The following EEF1AKMT2 variants were observed in gnomAD, a reference collection of about 807,000 sequenced individuals.
EEF1AKMT2 encodes eukaryotic translation elongation factor 1 alpha lysine methyltransferase 2.
In EEF1AKMT2, 32 loss-of-function variants were observed where a neutral mutation model predicts 35.8. The observed-to-expected ratio is 0.89, with a 90% CI of 0.67 to 1.20. The LOEUF is 1.20. Among genes scored for constraint, EEF1AKMT2 ranks in the 50% most tolerant of loss-of-function variants. The pLI is 0.00. For missense variants in EEF1AKMT2, 330 were observed against 347.5 expected (o/e 0.95, Z 0.40); for synonymous variants, 121 against 133.7 (o/e 0.91, Z 0.65).
intron 3 of EEF1AKMT2, among the ~76,000 whole-genome samples, chr10:124,785,860 C>T (rs1488198773): frequency 7.0e-6 from 1 of 142,124 alleles, no homozygotes; most frequent in East Asian, 2.1e-4. Context: ...CATGCCACTG[C>T]ACTCCAGCCT....
chr10:124,789,183 C>T, intron 2 of EEF1AKMT2, 26 bp from the exon 3 acceptor site: 4 of 1,507,206 alleles, frequency 2.7e-6, no homozygotes, highest in Non-Finnish European at 3.7e-6. Context: ...AGTCAAATAA[C>T]TGAGGGATAC....
At chr10:124,760,549 A>G (rs778387205) in intron 6 of EEF1AKMT2, 46 bp from the exon 7 acceptor site, 1 of 1,470,120 alleles carries the variant, frequency 6.8e-7, no homozygotes, top group Non-Finnish European at 9.5e-7. Context: ...TGAGTCTCAT[A>G]CTTACATGTA....
At chr10:124,791,498 G>A (rs1950634135) in intron 1 of EEF1AKMT2, among the ~76,000 whole-genome samples, 1 of 152,130 alleles carries the variant, frequency 6.6e-6, no homozygotes, top group Admixed American at 6.5e-5. Context: ...GCACCCACAA[G>A]CCCCTTGGGC....
chr10:124,773,283 C>T (rs1014958156), intron 4 of EEF1AKMT2, among the ~76,000 whole-genome samples: 1 of 152,138 alleles, frequency 6.6e-6, no homozygotes, highest in African/African-American at 2.4e-5. Flanking sequence ...CTGCAACCTC[C>T]ACCTTCCAGG....
chr10:124,790,232 A>T lies in EEF1AKMT2; in HGVS notation c.176+41T>A, dbSNP rs188070895. On this transcript the variant is annotated intron_variant, in intron 2 of 6. Coordinates refer to ENST00000368836, the MANE Select transcript of EEF1AKMT2 (RefSeq NM_212554.4). ...TTTTTAAACACACACACATATACAT[A>T]TAATCTTCTAGATTATAACTTGATT... is the stretch of plus-strand genomic sequence containing the variant. The T allele has an allele frequency of 2.8e-6, 4 of 1,443,630 alleles. No homozygotes were observed. The East Asian group carries it at 9.1e-5, about 33-fold the overall frequency. The allele number at this position is 1,443,630 out of a possible 1,614,324, so 89.4% of individuals were successfully genotyped here.
chr10:124,791,318 C>T (rs533718257), intron 1 of EEF1AKMT2, among the ~76,000 whole-genome samples: 5 of 152,176 alleles, frequency 3.3e-5, no homozygotes, highest in African/African-American at 1.2e-4. Context: ...CTCCCACATC[C>T]CTCCCCTCCT....
chr10:124,783,137 C>CTTTTTT (rs34632746), intron 3 of EEF1AKMT2, among the ~76,000 whole-genome samples: 3 of 85,032 alleles, frequency 3.5e-5, no homozygotes, highest in Non-Finnish European at 4.5e-5. Context: ...AGGGAAAAAC[C>CTTTTTT]TTTTTTTTTT....
At chr10:124,757,383 A>G (rs2134115387), downstream of EEF1AKMT2, among the ~76,000 whole-genome samples, 1 of 151,908 alleles carries the variant, frequency 6.6e-6, no homozygotes, top group Non-Finnish European at 1.5e-5. Context: ...ATTGTAGGCT[A>G]CCAGACAGAG....
chr10:124,761,250 T>TA (rs1268745339), intron 6 of EEF1AKMT2, among the ~76,000 whole-genome samples: 9 of 152,190 alleles, frequency 5.9e-5, no homozygotes, highest in Admixed American at 1.3e-4. Flanking sequence ...CCACACATAT[T>TA]AAAGCACTTA....
intron 3 of EEF1AKMT2, among the ~76,000 whole-genome samples, chr10:124,785,985 G>A (rs1032140126): frequency 1.3e-5 from 2 of 150,766 alleles, no homozygotes; most frequent in African/African-American, 4.9e-5. Flanking sequence ...TTAGAGAAAT[G>A]CAAATTAAAA....
Position 124,762,406 on chromosome 10 carries a change from A to G in EEF1AKMT2, c.769T>C (p.Cys257Arg). Residue 257 changes from cysteine to arginine, a missense_variant, in exon 6 of 7, where the codon TGC becomes CGC. Physicochemically the swap from Cys to Arg is radical, Grantham distance 180. Coordinates refer to ENST00000368836, the MANE Select transcript of EEF1AKMT2 (RefSeq NM_212554.4). ...IFVFLAETRF[C>R]HVVQAGLELL... Reference sequence around the variant, plus strand: ...TCCAGACCAGCCTGGACAACATGGCAAAACCTCGTCTCTGCTAAAAATACA... The same window carrying G: ...TCCAGACCAGCCTGGACAACATGGCGAAACCTCGTCTCTGCTAAAAATACA... 1 of 1,296,518 alleles carries G rather than the reference A, an allele frequency of 7.7e-7. No individual in the cohort carries two copies. The highest frequency in any genetic ancestry group is 1.0e-6 in the Non-Finnish European group (1 of 982,780). The allele number at this position is 1,296,518 out of a possible 1,614,324, so 80.3% of individuals were successfully genotyped here.
intron 3 of EEF1AKMT2, among the ~76,000 whole-genome samples, chr10:124,787,156 CA>C (rs371938745): frequency 1 from 152,062 of 152,062 alleles, 76,031 homozygotes; most frequent in Non-Finnish European, 1. Flanking sequence ...CCGTGTTAGC[CA>C]AGGCATGGTC....
At chr10:124,761,831 G>A (rs192969695) in intron 6 of EEF1AKMT2, among the ~76,000 whole-genome samples, 1 of 152,356 alleles carries the variant, frequency 6.6e-6, no homozygotes, top group African/African-American at 2.4e-5. Context: ...TTGGGAGGCT[G>A]AAGTGGGAGA....
intron 3 of EEF1AKMT2, among the ~76,000 whole-genome samples, chr10:124,776,338 AG>A (rs994187509): frequency 6.6e-6 from 1 of 152,214 alleles, no homozygotes; most frequent in African/African-American, 2.4e-5. Flanking sequence ...CAGACATTCA[AG>A]GAAACAACCA....
chr10:124,782,942 G>C (rs116470363), intron 3 of EEF1AKMT2: 268 of 426,368 alleles, frequency 6.3e-4, no homozygotes, highest in African/African-American at 4.2e-3. Context: ...TGTTAGAATA[G>C]ATAAAAATAA....
chr10:124,762,332 T>C lies in EEF1AKMT2; in HGVS notation c.843A>G (p.Gly281=). The C allele has an allele frequency of 8.1e-7, 1 of 1,235,680 alleles. No homozygotes were observed. Among genetic ancestry groups the C allele is most frequent in the Non-Finnish European group, 1.1e-6 (1 of 942,498 alleles). The allele number at this position is 1,235,680 out of a possible 1,614,324, so 76.5% of individuals were successfully genotyped here. A position where few individuals can be genotyped will look rare whatever the true frequency, so the allele number is the denominator to read the frequency against. The part of the protein sequence containing the change: ...DSPTWPPKVL[G]LYHARPSLAF ...CCAACGAGGGCCTGGCATGGTATAA[T>C]CCCAGCACTTTGGGAGGCCAGGTGG... The change falls in exon 6 of 7, where the codon GGA becomes GGG. Residue 281 remains glycine, a synonymous_variant. Coordinates refer to ENST00000368836, the MANE Select transcript of EEF1AKMT2 (RefSeq NM_212554.4).
intron 3 of EEF1AKMT2, among the ~76,000 whole-genome samples, chr10:124,783,495 T>C (rs895771043): frequency 6.6e-6 from 1 of 152,136 alleles, no homozygotes; most frequent in Non-Finnish European, 1.5e-5. Context: ...AAATTTAAAA[T>C]GGTGCAGCCA....
At position 124,774,676 on chromosome 10, in the gene EEF1AKMT2, TTTAAC is replaced by T; in HGVS notation, c.393_397del (p.Leu132GlyfsTer19). On this transcript the variant is annotated frameshift_variant and splice_region_variant, in exon 4 of 7. Coordinates refer to ENST00000368836, the MANE Select transcript of EEF1AKMT2 (RefSeq NM_212554.4). LOFTEE classifies it high-confidence loss of function. Reference sequence around the variant, plus strand: ...TATAGTAATATAAATAATAGTTACCTTTAACTTAATGTTAGATAAACCTTCTTTTT... The same window carrying T: ...TATAGTAATATAAATAATAGTTACCTTTAATGTTAGATAAACCTTCTTTTT... 1 of 1,370,044 alleles carries T rather than the reference TTTAAC, an allele frequency of 7.3e-7. No individual in the cohort carries two copies. Among genetic ancestry groups the T allele is most frequent in the Non-Finnish European group, 9.7e-7 (1 of 1,032,260 alleles). The allele number at this position is 1,370,044 out of a possible 1,614,324, so 84.9% of individuals were successfully genotyped here.
chr10:124,790,430 T>G, intron 1 of EEF1AKMT2, 92 bp from the exon 2 acceptor site: 1 of 909,876 alleles, frequency 1.1e-6, no homozygotes, highest in East Asian at 2.5e-5. Flanking sequence ...GAGCTATTTA[T>G]GACAGAGGTT....
Sources: gnomAD v4.1 joint callset for allele counts (sites outside exome capture counted in the v4.1 genomes callset) on GRCh38, gnomAD v4.1.1 for gene constraint, MANE v1.5 for transcripts, NCBI Gene and HGNC (gene_info 2026-07-23, HGNC 2026-07-21) for gene names.